SLCO1A2: variants seen among roughly 807,000 people sequenced by gnomAD.
The protein encoded by SLCO1A2 is solute carrier organic anion transporter family member 1A2.
Under a neutral mutation model 69.0 loss-of-function variants are expected in SLCO1A2, and 67 were observed. The ratio of observed to expected loss-of-function variants is 0.97; its 90% CI spans 0.80 to 1.19. The LOEUF (loss-of-function observed/expected upper bound fraction) is 1.19. SLCO1A2 is among the 50% of genes most tolerant of loss of function. The pLI, the probability that SLCO1A2 is intolerant of heterozygous loss-of-function variation, is 0.00. For missense variants in SLCO1A2, 787 were observed against 793.7 expected (o/e 0.99, Z 0.10); for synonymous variants, 260 against 265.9 (o/e 0.98, Z 0.22).
intron 14 of SLCO1A2, among the ~76,000 whole-genome samples, chr12:21,273,669 G>T (rs924774157): frequency 6.6e-6 from 1 of 152,106 alleles, no homozygotes; most frequent in East Asian, 1.9e-4. Context: ...GAAATCCACC[G>T]CATACATAGC....
At chr12:21,298,995 A>G (rs999443210) in intron 8 of SLCO1A2, among the ~76,000 whole-genome samples, 2 of 152,194 alleles carry the variant, frequency 1.3e-5, no homozygotes, top group African/African-American at 4.8e-5. Flanking sequence ...ATGACAACAT[A>G]AAAGTACTAA....
At chr12:21,299,780 A>ATG (rs1948347649) in intron 8 of SLCO1A2, among the ~76,000 whole-genome samples, 1 of 115,962 alleles carries the variant, frequency 8.6e-6, no homozygotes, top group African/African-American at 4.0e-5. Context: ...GTATATATAT[A>ATG]TATATATATA....
At chr12:21,388,217 T>G (rs1316956679) in intron 1 of SLCO1A2, among the ~76,000 whole-genome samples, 5 of 152,094 alleles carry the variant, frequency 3.3e-5, no homozygotes, top group Non-Finnish European at 7.4e-5. Context: ...TGAAATGAGT[T>G]AAGACTTTGG....
intron 2 of SLCO1A2, among the ~76,000 whole-genome samples, chr12:21,356,119 A>G (rs2137028584): frequency 6.6e-6 from 1 of 152,234 alleles, no homozygotes; most frequent in Non-Finnish European, 1.5e-5. Flanking sequence ...TCACAGCTCT[A>G]TAAGTAACTA....
At chr12:21,312,185 A>G (rs1950304771) in intron 4 of SLCO1A2, among the ~76,000 whole-genome samples, 1 of 152,208 alleles carries the variant, frequency 6.6e-6, no homozygotes, top group Non-Finnish European at 1.5e-5. Flanking sequence ...TCTTCTGGAT[A>G]ACTTGCTGCA....
rs929262939 is a variant in SLCO1A2 at position 21,271,341 on chromosome 12, T to TATG, written c.1794-1577_1794-1575dup. ...GTGAATTCAGCTTTGTTTACTCCTT[T>TATG]ATGTTTCTGTTTAATTTCTGAAAAA... is the stretch of plus-strand genomic sequence containing the variant. On this transcript the variant is annotated intron_variant, in intron 14 of 14. Transcript: ENST00000683939. Among the ~76,000 whole-genome samples, 23 of 151,900 alleles carry TATG rather than the reference T, an allele frequency of 1.5e-4. 1 individual carries two copies. Among genetic ancestry groups the TATG allele is most frequent in the African/African-American group, 5.3e-4 (22 of 41,546 alleles).
At chr12:21,314,937 G>T (rs1459360669) in intron 3 of SLCO1A2, among the ~76,000 whole-genome samples, 2 of 152,176 alleles carry the variant, frequency 1.3e-5, no homozygotes, top group African/African-American at 4.8e-5. Flanking sequence ...GAGAAGAAGA[G>T]AAGCCGGTGA....
intron 2 of SLCO1A2, among the ~76,000 whole-genome samples, chr12:21,322,502 T>G (rs2136853042): frequency 6.6e-6 from 1 of 152,294 alleles, no homozygotes; most frequent in African/African-American, 2.4e-5. Flanking sequence ...ATAGGTAGTT[T>G]TAAAGTTTTA....
intron 1 of SLCO1A2, among the ~76,000 whole-genome samples, chr12:21,411,963 G>A (rs1941914070): frequency 6.6e-6 from 1 of 151,998 alleles, no homozygotes; most frequent in South Asian, 2.1e-4. Flanking sequence ...CACTGTGCCT[G>A]GCCATCAGTA....
chr12:21,315,109 A>G (rs1272080506), intron 3 of SLCO1A2, among the ~76,000 whole-genome samples: 1 of 152,236 alleles, frequency 6.6e-6, no homozygotes, highest in Admixed American at 6.5e-5. Context: ...TATGCCCAGA[A>G]AGAGAAGCAA....
chr12:21,400,787 A>G (rs1361788349), intron 1 of SLCO1A2, among the ~76,000 whole-genome samples: 9 of 149,688 alleles, frequency 6.0e-5, no homozygotes, highest in Non-Finnish European at 3.0e-5. Context: ...ACAAAAAACC[A>G]AACACCGTAT....
chr12:21,274,502 C>T lies in SLCO1A2; in HGVS notation c.1760G>A (p.Gly587Glu), dbSNP rs765029862. The T allele has an allele frequency of 8.1e-6, 13 of 1,612,952 alleles. No homozygotes were observed. The South Asian group carries it at 9.9e-5, about 12-fold the overall frequency. Reference sequence around the variant, plus strand: ...GGTGGAATCATATATCCTGCATGCCCCTGACTCACCACATTTCAAAGTTCC... The same window carrying T: ...GGTGGAATCATATATCCTGCATGCCTCTGACTCACCACATTTCAAAGTTCC... Reference protein sequence around the residue: ...HWGTLKCGESGACRIYDSTTF... With the variant: ...HWGTLKCGESEACRIYDSTTF... The change falls in exon 14 of 15, where the codon GGG becomes GAG. Residue 587 changes from glycine (G) to glutamate (E), a missense_variant. Transcript: ENST00000683939.
chr12:21,334,708 C>A lies in SLCO1A2; in HGVS notation c.-61G>T. The A allele has an allele frequency of 7.3e-7, 1 of 1,362,466 alleles. No individual in the cohort carries two copies. Among genetic ancestry groups the A allele is most frequent in the South Asian group, 1.3e-5 (1 of 76,300 alleles). 84.4% of individuals were successfully genotyped at this position (1,362,466 alleles called of 1,614,324 possible). The stretch of plus-strand genomic sequence containing the variant: ...TAAATCTTGATATGTCTTACTTCTA[C>A]CCTTTCAAGCAAACAAAAAAATATG... On this transcript the variant is annotated splice_region_variant and 5_prime_UTR_variant, in exon 2 of 15. Coordinates refer to ENST00000683939, the MANE Select transcript of SLCO1A2 (RefSeq NM_001386879.1).
intron 2 of SLCO1A2, among the ~76,000 whole-genome samples, chr12:21,354,351 C>T (rs1265021285): frequency 1.3e-5 from 2 of 152,192 alleles, no homozygotes; most frequent in Non-Finnish European, 2.9e-5. Context: ...TACCCCTATC[C>T]TCTCCTGAAG....
chr12:21,292,151 A>AT lies in SLCO1A2; in HGVS notation c.1610+12_1610+13insA. ...ACCCCAAAAAAATATAAATAAAGAA[A>AT]ATAATTTTGTACCTCAAGAGAACCA... On this transcript the variant is annotated intron_variant, in intron 12 of 14. Coordinates refer to ENST00000683939, the MANE Select transcript of SLCO1A2 (RefSeq NM_001386879.1). 6.6e-7 allele frequency: 1 copy of AT among 1,519,748 alleles called. No individual in the cohort carries two copies. The highest frequency in any genetic ancestry group is 2.4e-5 in the East Asian group (1 of 40,950). The allele number at this position is 1,519,748 out of a possible 1,614,324, so 94.1% of individuals were successfully genotyped here. A position where few individuals can be genotyped will look rare whatever the true frequency, so the allele number is the denominator to read the frequency against.
intron 2 of SLCO1A2, among the ~76,000 whole-genome samples, chr12:21,342,311 G>T (rs1372119063): frequency 1.3e-5 from 2 of 151,828 alleles, no homozygotes; most frequent in Non-Finnish European, 2.9e-5. Flanking sequence ...AAGAGTAATA[G>T]GATGGAGAAT....
intron 2 of SLCO1A2, among the ~76,000 whole-genome samples, chr12:21,347,761 T>A (rs979560857): frequency 6.6e-6 from 1 of 151,862 alleles, no homozygotes; most frequent in African/African-American, 2.4e-5. Flanking sequence ...ACAAATTTAA[T>A]AGCATTATAT....
chr12:21,389,760 G>A (rs1941060706), intron 1 of SLCO1A2, among the ~76,000 whole-genome samples: 1 of 151,070 alleles, frequency 6.6e-6, no homozygotes, highest in African/African-American at 2.4e-5. Flanking sequence ...AATCACAAAT[G>A]GCATAAGTGC....
chr12:21,408,316 C>CT (rs545713528), intron 1 of SLCO1A2, among the ~76,000 whole-genome samples: 2 of 151,888 alleles, frequency 1.3e-5, no homozygotes, highest in African/African-American at 4.8e-5. Flanking sequence ...CAACCTCCCT[C>CT]TTTTTTTTAA....
Sources: allele counts gnomAD v4.1 joint callset (sites outside exome capture counted in the v4.1 genomes callset), GRCh38; gene constraint gnomAD v4.1.1; transcripts MANE v1.5; gene names NCBI Gene and HGNC (gene_info 2026-07-23, HGNC 2026-07-21).